Variants in FSIP2 observed in about 807,000 individuals in gnomAD.
FSIP2 encodes the protein fibrous sheath-interacting protein 2.
In FSIP2, 367 loss-of-function variants were observed where a neutral mutation model predicts 510.5. The ratio of observed to expected loss-of-function variants is 0.72; its 90% confidence interval spans 0.66 to 0.78. FSIP2 has a LOEUF of 0.78. Ranked by LOEUF, FSIP2 falls within the 30% of genes least tolerant of loss-of-function variation. The probability of loss-of-function intolerance (pLI) is 0.00; values close to 1 mark genes in which losing one functional copy is unlikely to be tolerated. For missense variants in FSIP2, 7,594 were observed against 7,901.7 expected (o/e 0.96, Z 1.48); for synonymous variants, 2,601 against 2,732.2 (o/e 0.95, Z 1.50).
Position 185,818,362 on chromosome 2 carries a change from C to T in FSIP2, c.20426+2891C>T, listed in dbSNP as rs1693860588. ...CACCATCAGGCAGAACAATATACAC[C>T]TTATGTAAATTCCAGAAGAAGAAAT... On this transcript the variant is annotated intron_variant, in intron 19 of 22. Coordinates refer to ENST00000424728, the MANE Select transcript of FSIP2 (RefSeq NM_173651.4). Among the ~76,000 whole-genome samples the T allele has an allele frequency of 2.0e-5, 3 of 151,620 alleles. No homozygotes were observed. In the South Asian group the frequency reaches 6.3e-4, roughly 32 times the overall value.
chr2:185,750,870 A>G (rs985259763), intron 7 of FSIP2, among the ~76,000 whole-genome samples: 2 of 151,486 alleles, frequency 1.3e-5, no homozygotes, highest in African/African-American at 4.8e-5. Context: ...TGTGTCATTT[A>G]GCTTCTAAAT....
chr2:185,810,201 A>G (rs1304578827), intron 17 of FSIP2, among the ~76,000 whole-genome samples: 1 of 152,052 alleles, frequency 6.6e-6, no homozygotes, highest in Non-Finnish European at 1.5e-5. Context: ...ATATAGTTTG[A>G]TATTTATCCC....
At chr2:185,743,323 T>C (rs1691961674) in intron 3 of FSIP2, 29 bp downstream of exon 3, 2 of 1,426,302 alleles carry the variant, frequency 1.4e-6, no homozygotes, top group African/African-American at 2.9e-5. Context: ...CTTTTTTTAA[T>C]CAATGAAACC....
chr2:185,784,252 C>T (rs1470305029), intron 14 of FSIP2: 1 of 152,016 alleles, frequency 6.6e-6, no homozygotes, highest in Non-Finnish European at 1.5e-5. Context: ...TTAAGGGTTG[C>T]ACTCAGGTGA....
chr2:185,757,785 G>T (rs935818432), intron 9 of FSIP2, among the ~76,000 whole-genome samples: 26 of 151,362 alleles, frequency 1.7e-4, no homozygotes, highest in Admixed American at 7.9e-4. Flanking sequence ...AGATCTCAAG[G>T]CATTTATTTT....
In FSIP2 at chr2:185,795,840, G is replaced by T; in HGVS notation, c.8704G>T (p.Ala2902Ser). ...CAGGTTTTATAATCATTTTAAAGGA[G>T]CTTCTACTAGAGCCGAGGATACTAA... ...ESRFYNHFKG[A>S]STRAEDTKAQ... Residue 2902 changes from alanine (A) to serine (S), a missense_variant, in exon 16 of 23, where the codon GCT becomes TCT. Physicochemically the swap from Ala to Ser is moderately conservative, Grantham distance 99 (BLOSUM62 1). Coordinates refer to ENST00000424728, the MANE Select transcript of FSIP2 (RefSeq NM_173651.4). 1 of 1,532,524 alleles carries T rather than the reference G, an allele frequency of 6.5e-7. No homozygotes were observed. Among genetic ancestry groups the T allele is most frequent in the South Asian group, 1.2e-5 (1 of 83,262 alleles). The allele number at this position is 1,532,524 out of a possible 1,614,324, so 94.9% of individuals were successfully genotyped here.
At chr2:185,758,531 G>T (rs756693160) in intron 9 of FSIP2, among the ~76,000 whole-genome samples, 2 of 151,266 alleles carry the variant, frequency 1.3e-5, no homozygotes, top group Non-Finnish European at 3.0e-5. Context: ...CATAGGAAGA[G>T]AAAATGTAAT....
Position 185,807,815 on chromosome 2 carries a change from A to T in FSIP2, c.18509A>T (p.His6170Leu). 6.2e-7 allele frequency: 1 copy of T among 1,612,620 alleles called. No homozygotes were observed. Residue 6170 changes from histidine (H) to leucine (L), a missense_variant, in exon 17 of 23, where the codon CAT (histidine) becomes CTT (leucine). Transcript: ENST00000424728. ...TTDVPLPKPS[H>L]ADKLSYNIIE... ...GATGTGCCCCTACCTAAACCTTCAC[A>T]TGCTGATAAGCTGTCTTATAACATA...
chr2:185,750,479 T>A (rs1165259988), intron 7 of FSIP2, among the ~76,000 whole-genome samples: 1 of 151,524 alleles, frequency 6.6e-6, no homozygotes, highest in Non-Finnish European at 1.5e-5. Flanking sequence ...TCCTTACTGA[T>A]ATGGTAATTT....
rs771080200 is a variant in FSIP2 at position 185,824,495 on chromosome 2, T to C, written c.20473+15T>C. On this transcript the variant is annotated intron_variant, in intron 20 of 22. Transcript: ENST00000424728. ...AATATTAGAAGGTTGGACTCCTTTT[T>C]CTTAAATTAGAGAGTATTTTTTACT... 1.2e-5 allele frequency: 18 copies of C among 1,505,010 alleles called. No homozygotes were observed. Among genetic ancestry groups the C allele is most frequent in the Non-Finnish European group, 1.5e-5 (16 of 1,094,622 alleles). 93.2% of individuals were successfully genotyped at this position (1,505,010 alleles called of 1,614,324 possible).
chr2:185,817,756 C>G (rs1396977450), intron 19 of FSIP2, among the ~76,000 whole-genome samples: 1 of 151,912 alleles, frequency 6.6e-6, no homozygotes, highest in Non-Finnish European at 1.5e-5. Context: ...AGAAGCACAT[C>G]AGTTGGACCT....
intron 15 of FSIP2, among the ~76,000 whole-genome samples, chr2:185,787,099 T>C (rs996665239): frequency 6.6e-6 from 1 of 151,834 alleles, no homozygotes; most frequent in Non-Finnish European, 1.5e-5. Context: ...AAATGACATA[T>C]TTTGAATGTC....
chr2:185,806,597 A>G lies in FSIP2; in HGVS notation c.17291A>G (p.Glu5764Gly). The G allele has an allele frequency of 6.2e-7, 1 of 1,608,122 alleles. No individual in the cohort carries two copies. The highest frequency in any genetic ancestry group is 8.5e-7 in the Non-Finnish European group (1 of 1,177,944). ...AAAGTAAGAGAGGAGATTAAAAGTG[A>G]ACCCAGTAAACCAGATGATCCTCAA... ...KEKVREEIKS[E>G]PSKPDDPQNQ... is the part of the protein sequence containing the mutation. The change falls in exon 17 of 23, where the codon GAA (glutamate) becomes GGA (glycine). Residue 5764 changes from glutamate (E) to glycine (G), a missense_variant. Glu to Gly is a moderately conservative substitution (Grantham distance 98). Transcript: ENST00000424728.
intron 21 of FSIP2, among the ~76,000 whole-genome samples, chr2:185,829,626 T>A (rs879651497): frequency 6.6e-6 from 1 of 151,964 alleles, no homozygotes; most frequent in African/African-American, 2.4e-5. Flanking sequence ...CTCATGAAGC[T>A]GCATGGCAGT....
At chr2:185,811,003 G>A (rs1693716489) in intron 17 of FSIP2, among the ~76,000 whole-genome samples, 1 of 152,012 alleles carries the variant, frequency 6.6e-6, no homozygotes, top group Non-Finnish European at 1.5e-5. Flanking sequence ...GAACATGTGA[G>A]TGATGACCTA....
Position 185,802,809 on chromosome 2 carries a change from T to C in FSIP2, c.13503T>C (p.Asn4501=), listed in dbSNP as rs747085003. The change falls in exon 17 of 23, where the codon AAT becomes AAC. Residue 4501 remains asparagine, a synonymous_variant. Coordinates refer to ENST00000424728, the MANE Select transcript of FSIP2 (RefSeq NM_173651.4). ...CCCAAAAAGATATATCAAGAGTGAA[T>C]TTCAATGACATTGCTTCAAACCTAG... ...RDTQKDISRV[N]FNDIASNLVS... 6.6e-7 allele frequency: 1 copy of C among 1,520,856 alleles called. No individual in the cohort carries two copies. Among genetic ancestry groups the C allele is most frequent in the South Asian group, 1.2e-5 (1 of 80,974 alleles). The allele number at this position is 1,520,856 out of a possible 1,614,324, so 94.2% of individuals were successfully genotyped here.
At position 185,743,206 on chromosome 2, in the gene FSIP2, T is replaced by C. The variant is rs1471855369; in HGVS notation, c.299T>C (p.Leu100Pro). The change falls in exon 3 of 23, where the codon CTC becomes CCC. Residue 100 changes from leucine to proline, a missense_variant. Physicochemically the swap from Leu to Pro is moderately conservative, Grantham distance 98 (BLOSUM62 -3). Coordinates refer to ENST00000424728, the MANE Select transcript of FSIP2 (RefSeq NM_173651.4). The part of the protein sequence containing the change: ...CRLLENQYKS[L>P]HDPHLKAYYK... The stretch of plus-strand genomic sequence containing the variant: ...CTTTTGGAAAACCAATATAAAAGCC[T>C]CCATGATCCACATTTAAAAGCATAC... 9.8e-6 allele frequency: 15 copies of C among 1,530,270 alleles called. No individual in the cohort carries two copies. Among genetic ancestry groups the C allele is most frequent in the Non-Finnish European group, 1.2e-5 (14 of 1,144,044 alleles). The allele number at this position is 1,530,270 out of a possible 1,614,324, so 94.8% of individuals were successfully genotyped here. A position where few individuals can be genotyped will look rare whatever the true frequency, so the allele number is the denominator to read the frequency against.
rs770015786 is a variant in FSIP2, at chr2:185,808,602, A to G, written c.19296A>G (p.Gln6432=). 6.2e-7 allele frequency: 1 copy of G among 1,605,742 alleles called. No individual in the cohort carries two copies. The highest frequency in any genetic ancestry group is 8.5e-7 in the Non-Finnish European group (1 of 1,176,498). ...VDSVYSNILQ[Q]SGTNKEFYYD... ...CCGTTTATAGTAACATACTGCAACA[A>G]TCAGGAACCAACAAAGAATTTTATT... The change falls in exon 17 of 23, where the codon CAA becomes CAG. Residue 6432 remains glutamine, a synonymous_variant. Transcript: ENST00000424728.
Position 185,795,090 on chromosome 2 carries a change from C to T in FSIP2, c.7954C>T (p.Pro2652Ser), listed in dbSNP as rs1462174903. 2.0e-6 allele frequency: 3 copies of T among 1,534,736 alleles called. No individual in the cohort carries two copies. The highest frequency in any genetic ancestry group is 1.7e-4 in the Middle Eastern group (1 of 5,982). Reference protein sequence around the residue: ...NFVSLPLKVSPKDNPKPCFKA... With the variant: ...NFVSLPLKVSSKDNPKPCFKA... ...TGTCTCACTTCCTTTAAAGGTGAGC[C>T]CTAAGGACAACCCTAAGCCATGCTT... The change falls in exon 16 of 23, where the codon CCT becomes TCT. Residue 2652 changes from proline to serine, a missense_variant. Physicochemically the swap from Pro to Ser is moderately conservative, Grantham distance 74. Coordinates refer to ENST00000424728, the MANE Select transcript of FSIP2 (RefSeq NM_173651.4).
Sources: allele counts gnomAD v4.1 joint callset (sites outside exome capture counted in the v4.1 genomes callset), GRCh38; gene constraint gnomAD v4.1.1; transcripts MANE v1.5; gene names NCBI Gene and HGNC (gene_info 2026-07-23, HGNC 2026-07-21).